LRRC20: variants seen among roughly 807,000 people sequenced by gnomAD.
LRRC20 encodes leucine rich repeat containing 20, also known as leucine-rich repeat-containing protein 20.
Under a neutral mutation model 14.4 loss-of-function variants are expected in LRRC20, and 11 were observed. The observed-to-expected ratio is 0.77, with a 90% CI of 0.48 to 1.27. The LOEUF (loss-of-function observed/expected upper bound fraction) is 1.27, where lower values mean the gene tolerates loss of function less well. Among genes scored for constraint, LRRC20 ranks in the 50% most tolerant of loss-of-function variants. The pLI, the probability that LRRC20 is intolerant of heterozygous loss-of-function variation, is 0.00. For missense variants in LRRC20, 219 were observed against 251.2 expected, an observed-to-expected ratio of 0.87 and a Z score of 0.87; for synonymous variants, 121 against 107.3, an observed-to-expected ratio of 1.13 and a Z score of -0.79.
intron 2 of LRRC20, among the ~76,000 whole-genome samples, chr10:70,365,235 T>A (rs1843938088): frequency 1.3e-5 from 2 of 152,090 alleles, no homozygotes; most frequent in Admixed American, 1.3e-4. Context: ...AATTTTTGTA[T>A]TTTTAGCAGA....
intron 1 of LRRC20, among the ~76,000 whole-genome samples, chr10:70,377,621 C>T (rs1230920229): frequency 1.3e-5 from 2 of 152,180 alleles, no homozygotes; most frequent in Non-Finnish European, 2.9e-5. Context: ...ACAGACAGCT[C>T]AAGAAGCTCC....
At chr10:70,370,188 T>C (rs1844211162) in intron 2 of LRRC20, among the ~76,000 whole-genome samples, 1 of 152,210 alleles carries the variant, frequency 6.6e-6, no homozygotes. Flanking sequence ...GATTTGAATA[T>C]TCACAGCCCT....
intron 4 of LRRC20, among the ~76,000 whole-genome samples, chr10:70,306,395 T>C (rs866660269): frequency 6.6e-6 from 1 of 152,214 alleles, no homozygotes; most frequent in African/African-American, 2.4e-5. Flanking sequence ...CATTTACTTC[T>C]AACTCTTTGG....
chr10:70,327,888 G>T (rs79539452), intron 3 of LRRC20, among the ~76,000 whole-genome samples: 1,650 of 152,180 alleles, frequency 0.011, 32 homozygotes, highest in African/African-American at 0.038. Context: ...CTCTGCATTT[G>T]TCCCCTCCCT....
At chr10:70,380,617 G>A (rs1367205610) in intron 1 of LRRC20, among the ~76,000 whole-genome samples, 6 of 152,266 alleles carry the variant, frequency 3.9e-5, no homozygotes, top group Non-Finnish European at 7.3e-5. Context: ...CCAGGCAATA[G>A]AGGGTAGGCC....
At chr10:70,315,493 C>T (rs1841819236) in intron 4 of LRRC20, among the ~76,000 whole-genome samples, 1 of 152,168 alleles carries the variant, frequency 6.6e-6, no homozygotes, top group African/African-American at 2.4e-5. Flanking sequence ...CCAGTTGTTC[C>T]TGTAGATAGG....
At chr10:70,374,483 T>C (rs1844431489) in intron 2 of LRRC20, among the ~76,000 whole-genome samples, 1 of 152,062 alleles carries the variant, frequency 6.6e-6, no homozygotes, top group African/African-American at 2.4e-5. Flanking sequence ...CCCAAGTAGC[T>C]GGGATTACAT....
chr10:70,338,384 G>A (rs2137009336), intron 3 of LRRC20, among the ~76,000 whole-genome samples: 1 of 152,250 alleles, frequency 6.6e-6, no homozygotes, highest in East Asian at 1.9e-4. Context: ...GCTTGCTCGG[G>A]TCCCTCATGC....
intron 4 of LRRC20, among the ~76,000 whole-genome samples, chr10:70,317,646 T>C (rs1478269517): frequency 6.6e-6 from 1 of 152,214 alleles, no homozygotes; most frequent in African/African-American, 2.4e-5. Flanking sequence ...CATAAAGTGC[T>C]GGGATTACAG....
intron 2 of LRRC20, among the ~76,000 whole-genome samples, chr10:70,372,481 A>G (rs569275604): frequency 7.2e-5 from 10 of 139,102 alleles, no homozygotes; most frequent in South Asian, 6.7e-4. Flanking sequence ...TCACTCTGTC[A>G]CCCAGGCTGG....
chr10:70,302,859 C>CCACCATGCCCAGT, intron 4 of LRRC20, among the ~76,000 whole-genome samples: 2 of 151,662 alleles, frequency 1.3e-5, no homozygotes, highest in South Asian at 4.2e-4. Flanking sequence ...TACAGGCGCG[C>CCACCATGCCCAGT]GCCACCATGC....
At chr10:70,314,005 A>C (rs1841763512) in intron 4 of LRRC20, among the ~76,000 whole-genome samples, 1 of 152,246 alleles carries the variant, frequency 6.6e-6, no homozygotes, top group Admixed American at 6.5e-5. Context: ...CATGTCTTAC[A>C]TGGTAGCAGG....
chr10:70,312,846 C>A (rs977856259), intron 4 of LRRC20, among the ~76,000 whole-genome samples: 1 of 152,170 alleles, frequency 6.6e-6, no homozygotes, highest in East Asian at 1.9e-4. Context: ...GTATGGCGGG[C>A]ACCCCCATCA....
intron 3 of LRRC20, among the ~76,000 whole-genome samples, chr10:70,336,938 CTCT>C (rs1195356716): frequency 6.6e-6 from 1 of 152,224 alleles, no homozygotes; most frequent in Non-Finnish European, 1.5e-5. Context: ...TGGGGACCCA[CTCT>C]CTGCAGGGCC....
In LRRC20 at chr10:70,332,950, TAAGTA is replaced by T. The variant is rs1842592438; in HGVS notation, c.232+7598_232+7602del. ...CATCTACTGCCTAATCAAAAATAAATAAGTAAATAGGATACGTTTTTCAAATGAAG... is the reference window on the plus strand; with the variant it reads ...CATCTACTGCCTAATCAAAAATAAATAATAGGATACGTTTTTCAAATGAAG... On this transcript the variant is annotated intron_variant, in intron 3 of 4. Transcript: ENST00000446961. Among the ~76,000 whole-genome samples the T allele has an allele frequency of 2.0e-5, 3 of 152,256 alleles. No individual in the cohort carries two copies. The South Asian group carries it at 6.2e-4, about 32-fold the overall frequency.
chr10:70,320,652 G>A (rs1298617671), intron 4 of LRRC20, among the ~76,000 whole-genome samples: 1 of 152,166 alleles, frequency 6.6e-6, no homozygotes, highest in South Asian at 2.1e-4. Flanking sequence ...TGGTGGAGGT[G>A]GAGGGCAGAG....
chr10:70,310,525 A>G (rs909909685), intron 4 of LRRC20, among the ~76,000 whole-genome samples: 1 of 151,900 alleles, frequency 6.6e-6, no homozygotes, highest in East Asian at 1.9e-4. Context: ...CTCTCTGAAC[A>G]TTTTCTTTAT....
chr10:70,350,420 T>C (rs1224657805), intron 2 of LRRC20, among the ~76,000 whole-genome samples: 2 of 152,256 alleles, frequency 1.3e-5, no homozygotes, highest in East Asian at 1.9e-4. Flanking sequence ...AGAAGCCTTT[T>C]ATTCAAATTG....
intron 2 of LRRC20, among the ~76,000 whole-genome samples, chr10:70,363,503 C>G (rs1472322347): frequency 1.3e-5 from 2 of 152,212 alleles, no homozygotes; most frequent in African/African-American, 2.4e-5. Flanking sequence ...AAATAAATCT[C>G]TGCTGTTCAT....
Sources: allele counts gnomAD v4.1 joint callset (sites outside exome capture counted in the v4.1 genomes callset), GRCh38; gene constraint gnomAD v4.1.1; transcripts MANE v1.5; gene names NCBI Gene and HGNC (gene_info 2026-07-23, HGNC 2026-07-21).